The following TENM2 variants were observed in gnomAD, a reference collection of about 807,000 sequenced individuals.
The protein encoded by TENM2 is teneurin-2.
In TENM2, 52 loss-of-function variants were observed where a neutral mutation model predicts 245.2. The observed-to-expected ratio is 0.21, with a 90% CI of 0.17 to 0.27. TENM2 has a LOEUF of 0.27. Among genes scored for constraint, TENM2 ranks in the 10% least tolerant of loss-of-function variants. The probability of loss-of-function intolerance (pLI) is 1.00; values close to 1 mark genes in which losing one functional copy is unlikely to be tolerated. For missense variants in TENM2, 3,046 were observed against 3,666.8 expected, an observed-to-expected ratio of 0.83 and a Z score of 4.37; for synonymous variants, 1,363 against 1,438.9, an observed-to-expected ratio of 0.95 and a Z score of 1.19.
At chr5:167,838,234 T>C (rs1177025330) in intron 2 of TENM2, among the ~76,000 whole-genome samples, 1 of 152,214 alleles carries the variant, frequency 6.6e-6, no homozygotes, top group Non-Finnish European at 1.5e-5. Context: ...CTATTTCCAA[T>C]GTTGGGATCT....
At chr5:168,126,997 G>A (rs753604146) in intron 12 of TENM2, 31 bp downstream of exon 14, 1 of 1,546,152 alleles carries the variant, frequency 6.5e-7, no homozygotes, top group East Asian at 2.4e-5. Context: ...ATAAATTGTA[G>A]ATCTATAGTG....
intron 4 of TENM2, among the ~76,000 whole-genome samples, chr5:167,953,746 T>C (rs1050009884): frequency 6.6e-6 from 1 of 152,342 alleles, no homozygotes; most frequent in African/African-American, 2.4e-5. Context: ...ATTTTAAACT[T>C]TAATAACTTA....
chr5:167,545,597 C>G (rs1772508461), intron 2 of TENM2, among the ~76,000 whole-genome samples: 3 of 152,102 alleles, frequency 2.0e-5, no homozygotes, highest in Admixed American at 6.6e-5. Context: ...CATTATACAT[C>G]AAATACAATA....
At chr5:166,990,886 G>A in the TENM2 span, among the ~76,000 whole-genome samples, 1 of 152,168 alleles carries the variant, frequency 6.6e-6, no homozygotes, top group Non-Finnish European at 1.5e-5. Flanking sequence ...TGTTGATGTT[G>A]TTTAGTTGGC....
chr5:167,386,599 G>A (rs535049630), intron 2 of TENM2, among the ~76,000 whole-genome samples: 32 of 152,158 alleles, frequency 2.1e-4, no homozygotes, highest in African/African-American at 7.5e-4. Context: ...TTCAGCCAAT[G>A]ACTAGGATTT....
At chr5:168,036,673 A>G (rs940701104) in intron 5 of TENM2, among the ~76,000 whole-genome samples, 22 of 54,370 alleles carry the variant, frequency 4.0e-4, no homozygotes, top group African/African-American at 1.6e-3. Context: ...TAATATATGT[A>G]TGTGTATATA....
intron 2 of TENM2, among the ~76,000 whole-genome samples, chr5:167,702,263 T>C (rs904831601): frequency 2.0e-5 from 3 of 152,136 alleles, no homozygotes; most frequent in African/African-American, 7.2e-5. Flanking sequence ...AAATAACATC[T>C]GAACTTCCAT....
At chr5:167,745,965 G>T (rs575408634) in intron 2 of TENM2, among the ~76,000 whole-genome samples, 84 of 152,274 alleles carry the variant, frequency 5.5e-4, no homozygotes, top group African/African-American at 1.9e-3. Context: ...TTCTATGGAT[G>T]TATGCTCTAA....
intron 2 of TENM2, among the ~76,000 whole-genome samples, chr5:167,853,289 CAAAAAAAAAAAAA>C (rs777170514): frequency 4.1e-5 from 1 of 24,622 alleles, no homozygotes; most frequent in Admixed American, 6.1e-4. Flanking sequence ...GACTCCGTCT[CAAAAAAAAAAAAA>C]AAAAAAAAAA....
At chr5:167,818,767 C>G (rs1250734813) in intron 2 of TENM2, among the ~76,000 whole-genome samples, 1 of 152,194 alleles carries the variant, frequency 6.6e-6, no homozygotes, top group Non-Finnish European at 1.5e-5. Context: ...GGAACAGTCT[C>G]TGTTCTCATC....
chr5:167,519,671 A>C (rs969963188), intron 2 of TENM2, among the ~76,000 whole-genome samples: 1 of 152,200 alleles, frequency 6.6e-6, no homozygotes, highest in Non-Finnish European at 1.5e-5. Context: ...ATGAAATTAT[A>C]GTTCGCTAAG....
chr5:168,164,735 T>C (rs1758066481), intron 13 of TENM2, among the ~76,000 whole-genome samples: 2 of 152,190 alleles, frequency 1.3e-5, no homozygotes, highest in South Asian at 4.1e-4. Flanking sequence ...ACAGGTATGT[T>C]ATCCACCCCC....
chr5:168,073,832 C>T (rs1791233078), intron 7 of TENM2, among the ~76,000 whole-genome samples: 2 of 152,226 alleles, frequency 1.3e-5, no homozygotes, highest in African/African-American at 4.8e-5. Flanking sequence ...TGTGTTCAGA[C>T]AGATGCACAT....
At chr5:167,387,988 T>C (rs1235935603) in intron 2 of TENM2, among the ~76,000 whole-genome samples, 2 of 152,088 alleles carry the variant, frequency 1.3e-5, no homozygotes, top group African/African-American at 4.8e-5. Flanking sequence ...TCTTTTTTGG[T>C]TATGTCCTTT....
At chr5:167,817,101 A>G (rs1767119571) in intron 2 of TENM2, among the ~76,000 whole-genome samples, 1 of 152,186 alleles carries the variant, frequency 6.6e-6, no homozygotes, top group Non-Finnish European at 1.5e-5. Flanking sequence ...GCAACATATC[A>G]TATTTTTGTT....
At chr5:167,779,314 T>A (rs185799487) in intron 2 of TENM2, among the ~76,000 whole-genome samples, 1 of 152,152 alleles carries the variant, frequency 6.6e-6, no homozygotes, top group Non-Finnish European at 1.5e-5. Flanking sequence ...CCAGCCTCCA[T>A]TGACAAAAAG....
At chr5:167,039,572 C>T in the TENM2 span, among the ~76,000 whole-genome samples, 1 of 151,272 alleles carries the variant, frequency 6.6e-6, no homozygotes, top group African/African-American at 2.4e-5. Context: ...TCATATTTTG[C>T]TTTCCTTTCT....
chr5:167,303,469 T>G (rs1581700401), intron 1 of TENM2: 1 of 151,620 alleles, frequency 6.6e-6, no homozygotes, highest in Non-Finnish European at 1.5e-5. Context: ...GGAGTGGGGG[T>G]CACAAGGTGC....
intron 2 of TENM2, among the ~76,000 whole-genome samples, chr5:167,673,983 TA>T (rs1756139543): frequency 6.6e-6 from 1 of 152,134 alleles, no homozygotes; most frequent in Admixed American, 6.6e-5. Flanking sequence ...TAGCATGGGC[TA>T]AACCCCAGGG....
Sources: allele counts gnomAD v4.1 joint callset (sites outside exome capture counted in the v4.1 genomes callset), GRCh38; gene constraint gnomAD v4.1.1; transcripts MANE v1.5; gene names NCBI Gene and HGNC (gene_info 2026-07-23, HGNC 2026-07-21).